The following ANK2 variants were observed in gnomAD, a reference collection of about 807,000 sequenced individuals.
The protein encoded by ANK2 is ankyrin 2.
In ANK2, 83 loss-of-function variants were observed where a neutral mutation model predicts 360.5. The observed-to-expected ratio is 0.23, with a 90% CI of 0.19 to 0.28. The LOEUF (loss-of-function observed/expected upper bound fraction) is 0.28. Ranked by LOEUF, ANK2 falls within the 10% of genes least tolerant of loss-of-function variation. The pLI is 1.00. For missense variants in ANK2, 4,201 were observed against 4,795.7 expected (o/e 0.88, Z 3.66); for synonymous variants, 1,740 against 1,759.5 (o/e 0.99, Z 0.28).
the ANK2 span, among the ~76,000 whole-genome samples, chr4:112,761,170 T>C: frequency 6.6e-6 from 1 of 152,172 alleles, no homozygotes; most frequent in African/African-American, 2.4e-5. Flanking sequence ...CATTTGAATG[T>C]ATGTTGTTTT....
Position 113,358,707 on chromosome 4 carries a change from T to A in ANK2, c.10089T>A (p.Asp3363Glu). The change falls in exon 38 of 46, where the codon GAT becomes GAA. Residue 3363 changes from aspartate to glutamate, a missense_variant. Asp to Glu is a conservative substitution (Grantham distance 45, BLOSUM62 2). This residue lies in a region of ANK2 where 2,642 missense variants were observed against 2,714.5 expected (regional missense o/e 0.97). Transcript: ENST00000357077. ...AAAGAGTTGAACAGCAGCTCTCAGA[T>A]CTAGACACCTCTGTCCAGAAGACAG... ...PLQRVEQQLS[D>E]LDTSVQKTVA... 6.2e-7 allele frequency: 1 copy of A among 1,613,972 alleles called. No individual in the cohort carries two copies. Among genetic ancestry groups the A allele is most frequent in the Non-Finnish European group, 8.5e-7 (1 of 1,179,942 alleles).
intron 4 of ANK2, among the ~76,000 whole-genome samples, chr4:113,219,501 A>G (rs1438402151): frequency 6.6e-6 from 1 of 151,774 alleles, no homozygotes; most frequent in African/African-American, 2.4e-5. Flanking sequence ...AGCATTATAC[A>G]TTACAAAAAA....
intron 1 of ANK2, among the ~76,000 whole-genome samples, chr4:113,055,276 C>T (rs777203017): frequency 4.6e-5 from 7 of 152,022 alleles, no homozygotes; most frequent in Non-Finnish European, 1.0e-4. Flanking sequence ...TTGTACATGC[C>T]AGTAGTCCCA....
rs752891592 is a variant in ANK2 at position 113,358,185 on chromosome 4, A to C, written c.9567A>C (p.Glu3189Asp). 6.2e-7 allele frequency: 1 copy of C among 1,614,088 alleles called. No individual in the cohort carries two copies. Among genetic ancestry groups the C allele is most frequent in the Non-Finnish European group, 8.5e-7 (1 of 1,179,972 alleles). ...TACTTCCAGATGACGTGAGTGAGGAAGTAGAGGAAATACCTGCTTCGGATG... is the reference window on the plus strand; with the variant it reads ...TACTTCCAGATGACGTGAGTGAGGACGTAGAGGAAATACCTGCTTCGGATG... ...ADLLPDDVSE[E>D]VEEIPASDAQ... The change falls in exon 38 of 46, where the codon GAA (glutamate) becomes GAC (aspartate). Residue 3189 changes from glutamate (E) to aspartate (D), a missense_variant. By Grantham distance (45) the Glu-to-Asp change is conservative. Around this residue, in one of 4 missense-constraint regions of ANK2, gnomAD observed 2,642 missense variants for 2,714.5 expected, o/e 0.97. Transcript: ENST00000357077.
intron 1 of ANK2, among the ~76,000 whole-genome samples, chr4:113,124,902 T>G (rs1001296238): frequency 2.6e-5 from 4 of 151,914 alleles, no homozygotes; most frequent in African/African-American, 9.7e-5. Context: ...GGCTGAGACG[T>G]GAGGAGAGCT....
intron 1 of ANK2, among the ~76,000 whole-genome samples, chr4:112,862,831 A>G (rs1375046311): frequency 1.3e-5 from 2 of 152,058 alleles, no homozygotes; most frequent in African/African-American, 4.8e-5. Context: ...ATGAGGCGAG[A>G]TGGAGTGCAG....
intron 4 of ANK2, among the ~76,000 whole-genome samples, chr4:113,206,495 G>T (rs1042965775): frequency 1.3e-5 from 2 of 151,710 alleles, no homozygotes; most frequent in Non-Finnish European, 2.9e-5. Context: ...TTTCCATTGG[G>T]AGTATTACTA....
chr4:112,872,278 C>A (rs1027888113), intron 1 of ANK2, among the ~76,000 whole-genome samples: 1 of 151,968 alleles, frequency 6.6e-6, no homozygotes, highest in South Asian at 2.1e-4. Flanking sequence ...GATCCTCCTG[C>A]CTTGGCTTCC....
At chr4:113,195,407 A>C (rs1436083909) in intron 2 of ANK2, among the ~76,000 whole-genome samples, 1 of 152,160 alleles carries the variant, frequency 6.6e-6, no homozygotes, top group Non-Finnish European at 1.5e-5. Context: ...AACAATCTAC[A>C]TAATGTAAAT....
intron 43 of ANK2, chr4:113,372,710 G>A: frequency 1.0e-6 from 1 of 986,770 alleles, no homozygotes; most frequent in Non-Finnish European, 1.5e-6. Flanking sequence ...TGAAGGCTTG[G>A]CATGTTCCTT....
At chr4:113,277,700 C>T in intron 15 of ANK2, 137 bp from the exon 16 acceptor site, 3 of 692,734 alleles carry the variant, frequency 4.3e-6, no homozygotes, top group Admixed American at 4.3e-5. Flanking sequence ...TTGTTCATGG[C>T]TAACAGATTT....
At chr4:113,317,617 T>G in intron 24 of ANK2, 90 bp from the exon 25 acceptor site, 1 of 1,014,456 alleles carries the variant, frequency 9.9e-7, no homozygotes, top group African/African-American at 1.6e-5. Flanking sequence ...ATAGCACGCT[T>G]TTTTCACTCT....
At chr4:113,087,914 A>G (rs1368112369) in intron 1 of ANK2, among the ~76,000 whole-genome samples, 1 of 152,178 alleles carries the variant, frequency 6.6e-6, no homozygotes, top group Non-Finnish European at 1.5e-5. Context: ...AGTTTTAGAA[A>G]TGAATTATAA....
At chr4:113,140,458 T>C (rs945583309) in intron 1 of ANK2, among the ~76,000 whole-genome samples, 4 of 152,224 alleles carry the variant, frequency 2.6e-5, no homozygotes, top group Non-Finnish European at 5.9e-5. Context: ...AAGTATTGAC[T>C]AAATATCACG....
At chr4:112,898,880 G>A (rs1338887766) in intron 1 of ANK2, among the ~76,000 whole-genome samples, 1 of 152,182 alleles carries the variant, frequency 6.6e-6, no homozygotes, top group Non-Finnish European at 1.5e-5. Flanking sequence ...TCTCTGGGAT[G>A]TGTCAGCTCC....
At chr4:112,937,010 G>T (rs571497835) in intron 2 of ANK2, among the ~76,000 whole-genome samples, 1 of 151,916 alleles carries the variant, frequency 6.6e-6, no homozygotes, top group Non-Finnish European at 1.5e-5. Context: ...GCTCAGGCTG[G>T]TCTTGGACTG....
intron 1 of ANK2, among the ~76,000 whole-genome samples, chr4:112,899,392 T>C (rs1317048859): frequency 2.0e-5 from 3 of 152,320 alleles, no homozygotes; most frequent in Non-Finnish European, 4.4e-5. Flanking sequence ...TTTTGTTAGT[T>C]GTTATTTACA....
intron 1 of ANK2, among the ~76,000 whole-genome samples, chr4:113,074,974 C>G (rs534607193): frequency 6.6e-6 from 1 of 152,272 alleles, no homozygotes; most frequent in Non-Finnish European, 1.5e-5. Context: ...TAAAAATGCA[C>G]TTTAGTATCT....
intron 1 of ANK2, among the ~76,000 whole-genome samples, chr4:113,057,475 T>C (rs931144924): frequency 6.6e-6 from 1 of 152,188 alleles, no homozygotes; most frequent in Non-Finnish European, 1.5e-5. Flanking sequence ...TTTGTTGCAG[T>C]GCAGAGCCAT....
Sources: allele counts gnomAD v4.1 joint callset (sites outside exome capture counted in the v4.1 genomes callset), GRCh38; gene constraint gnomAD v4.1.1; regional missense constraint gnomAD v4.1.1; transcripts MANE v1.5; gene names NCBI Gene and HGNC (gene_info 2026-07-23, HGNC 2026-07-21).